Variants in ACACB observed in about 807,000 individuals in gnomAD.
ACACB encodes the protein acetyl-CoA carboxylase 2.
ACACB carries 209 observed loss-of-function variants against 278.8 expected under a neutral mutation model. That is an observed-to-expected ratio of 0.75 (90% confidence interval 0.67 to 0.84). ACACB has a LOEUF of 0.84. Ranked by LOEUF, ACACB falls within the 40% of genes least tolerant of loss-of-function variation. ACACB has a pLI of 0.00. For missense variants in ACACB, 2,850 were observed against 3,269.0 expected (o/e 0.87, Z 3.13); for synonymous variants, 1,174 against 1,285.6 (o/e 0.91, Z 1.86).
At chr12:109,132,928 G>A (rs1357542016) in intron 1 of ACACB, among the ~76,000 whole-genome samples, 19 of 152,146 alleles carry the variant, frequency 1.2e-4, no homozygotes, top group Admixed American at 1.2e-3. Flanking sequence ...AGCCTCCGCT[G>A]TACAACTTGC....
intron 2 of ACACB, among the ~76,000 whole-genome samples, chr12:109,143,444 C>T (rs1467989013): frequency 7.5e-6 from 1 of 132,578 alleles, no homozygotes; most frequent in African/African-American, 2.9e-5. Context: ...GCCTGGGTGA[C>T]ACAGGCAGAC....
At chr12:109,166,591 A>AG (rs1385842393) in intron 2 of ACACB, among the ~76,000 whole-genome samples, 3 of 136,756 alleles carry the variant, frequency 2.2e-5, no homozygotes, top group Non-Finnish European at 4.6e-5. Context: ...TCGAGGCTGC[A>AG]GCGAGCCACG....
rs368598355 is a variant in ACACB, at chr12:109,265,209, G to C, written c.7042G>C (p.Gly2348Arg). ...CAAGCAGGAGATCCTGCAGGCCAGC[G>C]GGGAGCTGAGTCACGTGCATATCCA... ...QVKQEILQAS[G>R]ELSHVHIQSM... Residue 2348 changes from glycine (G) to arginine (R), a missense_variant, in exon 51 of 53, where the codon GGG becomes CGG. This residue lies in a region of ACACB where 579 missense variants were observed against 684.6 expected (regional missense o/e 0.85). Transcript: ENST00000338432. 2 of 1,613,640 alleles carry C rather than the reference G, an allele frequency of 1.2e-6. No homozygotes were observed. The highest frequency in any genetic ancestry group is 1.1e-5 in the South Asian group (1 of 91,082).
intron 19 of ACACB, among the ~76,000 whole-genome samples, chr12:109,205,227 T>A (rs2045466371): frequency 1.3e-5 from 2 of 152,162 alleles, no homozygotes; most frequent in Non-Finnish European, 2.9e-5. Flanking sequence ...CAGGTCTGGG[T>A]ACCTGCACTG....
At chr12:109,143,304 A>C (rs2043163757) in intron 2 of ACACB, among the ~76,000 whole-genome samples, 1 of 151,870 alleles carries the variant, frequency 6.6e-6, no homozygotes, top group Non-Finnish European at 1.5e-5. Context: ...TCTACAAAAA[A>C]ATATAAAAAT....
chr12:109,235,694 T>C, intron 33 of ACACB, 47 bp downstream of exon 33: 1 of 1,559,590 alleles, frequency 6.4e-7, no homozygotes, highest in Non-Finnish European at 8.8e-7. Flanking sequence ...CATCTTGTTT[T>C]ATTTTTTAAG....
At chr12:109,206,290 T>C (rs1352624061) in intron 19 of ACACB, among the ~76,000 whole-genome samples, 6 of 152,016 alleles carry the variant, frequency 3.9e-5, no homozygotes, top group East Asian at 3.9e-4. Flanking sequence ...AAAAATTAGC[T>C]GGGCGTGGTG....
At chr12:109,209,541 A>T (rs1326886207) in intron 21 of ACACB, among the ~76,000 whole-genome samples, 188 bp downstream of exon 21, 1 of 152,104 alleles carries the variant, frequency 6.6e-6, no homozygotes, top group Non-Finnish European at 1.5e-5. Context: ...TCAAAGCAAC[A>T]GTTGTTTGAA....
At chr12:109,128,020 C>T (rs966889150) in intron 1 of ACACB, among the ~76,000 whole-genome samples, 2 of 152,150 alleles carry the variant, frequency 1.3e-5, no homozygotes, top group African/African-American at 2.4e-5. Flanking sequence ...GGCAGCCTGG[C>T]GAGCTCCTAT....
rs760118179 is a variant in ACACB at position 109,262,458 on chromosome 12, T to C, written c.6776T>C (p.Met2259Thr). Residue 2259 changes from methionine to threonine, a missense_variant, in exon 49 of 53, where the codon ATG becomes ACG. This residue lies in a region of ACACB where 579 missense variants were observed against 684.6 expected (regional missense o/e 0.85). Transcript: ENST00000338432. ...ATCGATCCAGCTTACAAGAAGCTCA[T>C]GGAACAGCTAGGTAAGGGGGTCCCA... Reference protein sequence around the residue: ...RRIDPAYKKLMEQLGEPDLSD... With the variant: ...RRIDPAYKKLTEQLGEPDLSD... 42 of 1,613,052 alleles carry C rather than the reference T, an allele frequency of 2.6e-5. No individual in the cohort carries two copies. Among genetic ancestry groups the C allele is most frequent in the Non-Finnish European group, 3.6e-5 (42 of 1,179,530 alleles).
intron 13 of ACACB, among the ~76,000 whole-genome samples, chr12:109,191,215 CTT>C (rs573960328): frequency 2.1e-4 from 29 of 137,026 alleles, no homozygotes; most frequent in African/African-American, 4.1e-4. Flanking sequence ...CTTAACTCTT[CTT>C]TTTTTTTTTT....
intron 9 of ACACB, among the ~76,000 whole-genome samples, chr12:109,178,490 TTTGGACA>T (rs1167586447): frequency 3.3e-5 from 5 of 152,146 alleles, no homozygotes; most frequent in African/African-American, 1.2e-4. Context: ...AGAAAGCCAG[TTTGGACA>T]CCAAACTCTT....
intron 21 of ACACB, among the ~76,000 whole-genome samples, chr12:109,210,520 T>A (rs1484914881): frequency 6.7e-6 from 1 of 148,602 alleles, no homozygotes; most frequent in Non-Finnish European, 1.5e-5. Context: ...CGCACATACA[T>A]GTGTATATGT....
chr12:109,218,955 C>T (rs1451050500), intron 24 of ACACB, among the ~76,000 whole-genome samples: 3 of 151,896 alleles, frequency 2.0e-5, no homozygotes, highest in Admixed American at 6.6e-5. Flanking sequence ...TTAGTAGAGA[C>T]GTGGTTTCAC....
intron 44 of ACACB, 149 bp downstream of exon 44, chr12:109,254,483 G>A: frequency 1.2e-6 from 1 of 845,944 alleles, no homozygotes; most frequent in Non-Finnish European, 1.8e-6. Context: ...CAAATGCAGG[G>A]AAAGTAGAGA....
chr12:109,192,063 C>A (rs987170063), intron 15 of ACACB, 113 bp downstream of exon 15: 11 of 1,088,654 alleles, frequency 1.0e-5, no homozygotes, highest in African/African-American at 3.1e-5. Flanking sequence ...ATTGGTGAGT[C>A]TCTCCTCCGG....
chr12:109,254,999 A>G (rs1000883204), intron 44 of ACACB, among the ~76,000 whole-genome samples: 1 of 151,914 alleles, frequency 6.6e-6, no homozygotes, highest in Non-Finnish European at 1.5e-5. Context: ...GGTCTTGAAC[A>G]CATGACCTCA....
At chr12:109,189,418 C>T (rs1000320857) in intron 13 of ACACB, among the ~76,000 whole-genome samples, 3 of 152,178 alleles carry the variant, frequency 2.0e-5, no homozygotes, top group Non-Finnish European at 2.9e-5. Flanking sequence ...AGCCCAGACC[C>T]CTCCGAGTGA....
At chr12:109,170,469 G>A (rs566478365) in intron 4 of ACACB, among the ~76,000 whole-genome samples, 31 of 152,302 alleles carry the variant, frequency 2.0e-4, no homozygotes, top group African/African-American at 7.0e-4. Flanking sequence ...CCTTAAAAAG[G>A]AAGGAAATCC....
Sources: gnomAD v4.1 joint callset for allele counts (sites outside exome capture counted in the v4.1 genomes callset) on GRCh38, gnomAD v4.1.1 for gene constraint, gnomAD v4.1.1 regional missense constraint, MANE v1.5 for transcripts, NCBI Gene and HGNC (gene_info 2026-07-23, HGNC 2026-07-21) for gene names.